CCDC154: variants seen among roughly 807,000 people sequenced by gnomAD.
The protein encoded by CCDC154 is coiled-coil domain containing 154, also known as coiled-coil domain-containing protein 154.
A neutral mutation model predicts 87.5 loss-of-function variants in CCDC154; 91 were observed. The ratio of observed to expected loss-of-function variants is 1.04; its 90% confidence interval spans 0.88 to 1.24. The LOEUF is 1.24. CCDC154 is among the 50% of genes most tolerant of loss of function. CCDC154 has a pLI of 0.00. For missense variants in CCDC154, 903 were observed against 879.2 expected, an observed-to-expected ratio of 1.03 and a Z score of -0.34; for synonymous variants, 418 against 400.4, an observed-to-expected ratio of 1.04 and a Z score of -0.52.
chr16:1,440,880 G>C (rs1003378303), intron 6 of CCDC154, among the ~76,000 whole-genome samples: 1 of 151,868 alleles, frequency 6.6e-6, no homozygotes, highest in African/African-American at 2.4e-5. Flanking sequence ...GAACGTGGGA[G>C]GCGGAGCTTG....
chr16:1,435,098 C>T lies in CCDC154; in HGVS notation c.1683G>A (p.Glu561=), dbSNP rs1417894295. ...KTIQNLRFNT[E]ARLRTQEMAT... Reference sequence around the variant, plus strand: ...GGCAAGGCCTCCTCACCAGCCGGGCCTCAGTGTTGAACCTGAGGTTCTGGA... The same window carrying T: ...GGCAAGGCCTCCTCACCAGCCGGGCTTCAGTGTTGAACCTGAGGTTCTGGA... Residue 561 remains glutamate (E), a synonymous_variant, in exon 15 of 17, where the codon GAG becomes GAA. Coordinates refer to ENST00000389176, the MANE Select transcript of CCDC154 (RefSeq NM_001143980.3). The T allele has an allele frequency of 1.9e-6, 3 of 1,549,566 alleles. No individual in the cohort carries two copies. Among genetic ancestry groups the T allele is most frequent in the African/African-American group, 1.4e-5 (1 of 73,032 alleles).
rs1164752014 is a variant in CCDC154, at chr16:1,443,930, CAGG to C, written c.87_89del (p.Leu30del). On this transcript the variant is annotated inframe_deletion, in exon 2 of 17. Transcript: ENST00000389176. ...GCTCGGGGCTGGCCAGGCCTCCTGC[CAGG>C]AGGAGCCCCAGGTCTTCCAGGGTGA... 3 of 1,303,886 alleles carry C rather than the reference CAGG, an allele frequency of 2.3e-6. No homozygotes were observed. The highest frequency in any genetic ancestry group is 2.3e-5 in the Admixed American group (1 of 43,556). 80.8% of individuals were successfully genotyped at this position (1,303,886 alleles called of 1,614,324 possible).
Position 1,443,930 on chromosome 16 carries a change from C to T in CCDC154, c.90G>A (p.Leu30=), listed in dbSNP as rs1567260193. Residue 30 remains leucine, a synonymous_variant, in exon 2 of 17, where the codon CTG becomes CTA. Coordinates refer to ENST00000389176, the MANE Select transcript of CCDC154 (RefSeq NM_001143980.3). ...GCTCGGGGCTGGCCAGGCCTCCTGC[C>T]AGGAGGAGCCCCAGGTCTTCCAGGG... is the stretch of plus-strand genomic sequence containing the variant. ...AVTLEDLGLL[L]AGGLASPEPL... 8 of 1,303,886 alleles carry T rather than the reference C, an allele frequency of 6.1e-6. No homozygotes were observed. The highest frequency in any genetic ancestry group is 3.7e-5 in the South Asian group (3 of 81,042). The allele number at this position is 1,303,886 out of a possible 1,614,324, so 80.8% of individuals were successfully genotyped here. A position where few individuals can be genotyped will look rare whatever the true frequency, so the allele number is the denominator to read the frequency against.
chr16:1,435,067 C>T lies in CCDC154; in HGVS notation c.1692+22G>A, dbSNP rs372621103. On this transcript the variant is annotated intron_variant, in intron 15 of 16. Coordinates refer to ENST00000389176, the MANE Select transcript of CCDC154 (RefSeq NM_001143980.3). ...GGAGCGGGTGGGAGCTGGGCGGTGC[C>T]GGCCGGGCAAGGCCTCCTCACCAGC... The T allele has an allele frequency of 1.4e-4, 223 of 1,546,070 alleles. 1 individual carries two copies. The African/African-American group carries it at 2.6e-3, about 18-fold the overall frequency.
chr16:1,439,452 C>G, intron 6 of CCDC154: 1 of 380,096 alleles, frequency 2.6e-6, no homozygotes, highest in Non-Finnish European at 4.8e-6. Flanking sequence ...GCAGGAGTGT[C>G]GTGCAGGTGT....
intron 11 of CCDC154, 115 bp downstream of exon 11, chr16:1,437,702 G>C (rs764187740): frequency 7.8e-7 from 1 of 1,278,928 alleles, no homozygotes; most frequent in Non-Finnish European, 1.0e-6. Flanking sequence ...TGGGTGGGAC[G>C]GGAGGCTTGG....
At chr16:1,439,218 C>A in intron 6 of CCDC154, 92 bp from the exon 7 acceptor site, 1 of 1,134,278 alleles carries the variant, frequency 8.8e-7, no homozygotes, top group Non-Finnish European at 1.3e-6. Flanking sequence ...AGTTGGAGTC[C>A]CCTGCTGTCC....
chr16:1,437,908 G>A lies in CCDC154; in HGVS notation c.1199C>T (p.Ala400Val). 6.5e-7 allele frequency: 1 copy of A among 1,546,752 alleles called. No homozygotes were observed. The highest frequency in any genetic ancestry group is 8.7e-7 in the Non-Finnish European group (1 of 1,146,514). ...RALEASVAQLAGQLKELSGHL... is the reference protein window; with the variant it reads ...RALEASVAQLVGQLKELSGHL... Reference sequence around the variant, plus strand: ...GCCACTCAGCTCCTTTAACTGCCCGGCCAGCTGCGCCACGGATGCCTCCAG... The same window carrying A: ...GCCACTCAGCTCCTTTAACTGCCCGACCAGCTGCGCCACGGATGCCTCCAG... Residue 400 changes from alanine to valine, a missense_variant, in exon 11 of 17, where the codon GCC (alanine) becomes GTC (valine). Physicochemically the swap from Ala to Val is moderately conservative, Grantham distance 64. Coordinates refer to ENST00000389176, the MANE Select transcript of CCDC154 (RefSeq NM_001143980.3).
At chr16:1,437,030 G>A in intron 11 of CCDC154, 1 of 628,402 alleles carries the variant, frequency 1.6e-6, no homozygotes, top group Non-Finnish European at 2.7e-6. Flanking sequence ...GGGCCCGTGG[G>A]GGCTGTTCCG....
At chr16:1,443,116 C>T (rs1476124089) in intron 4 of CCDC154, 141 bp from the exon 5 acceptor site, 13 of 1,366,786 alleles carry the variant, frequency 9.5e-6, no homozygotes, top group African/African-American at 2.9e-5. Flanking sequence ...CGTACAAACC[C>T]GGCCTTTTCT....
At position 1,438,002 on chromosome 16, in the gene CCDC154, C is replaced by T. The variant is rs370456989; in HGVS notation, c.1152+48G>A. On this transcript the variant is annotated intron_variant, in intron 10 of 16. Coordinates refer to ENST00000389176, the MANE Select transcript of CCDC154 (RefSeq NM_001143980.3). ...GGGAGGCCTGGCTGAGCGCCCATCC[C>T]GTGTGCGTGGGAGACCCCGTTGGGG... is the stretch of plus-strand genomic sequence containing the variant. 1.1e-4 allele frequency: 176 copies of T among 1,536,828 alleles called. No homozygotes were observed. The African/African-American group carries it at 1.9e-3, about 16-fold the overall frequency.
At chr16:1,438,758 C>T in intron 8 of CCDC154, 21 bp from the exon 9 acceptor site, 1 of 1,547,476 alleles carries the variant, frequency 6.5e-7, no homozygotes, top group African/African-American at 1.4e-5. Context: ...GTGGAGGCCG[C>T]CCTGAGACCT....
chr16:1,436,166 C>T (rs2038500041), intron 13 of CCDC154, 80 bp from the exon 14 acceptor site: 4 of 1,195,218 alleles, frequency 3.3e-6, no homozygotes, highest in Non-Finnish European at 4.8e-6. Flanking sequence ...GCCACTCCCA[C>T]AGCCACCACA....
Position 1,438,677 on chromosome 16 carries a change from A to C in CCDC154, c.967T>G (p.Phe323Val). The C allele has an allele frequency of 6.5e-7, 1 of 1,549,978 alleles. No individual in the cohort carries two copies. Among genetic ancestry groups the C allele is most frequent in the Non-Finnish European group, 8.7e-7 (1 of 1,146,748 alleles). ...AGCGACGCCTGGTTCTGCTGCACAA[A>C]CTTGGTCAGCTGGGCCACGGCAGCA... ...LDAAVAQLTK[F>V]VQQNQASLNR... Residue 323 changes from phenylalanine (F) to valine (V), a missense_variant, in exon 9 of 17, where the codon TTT becomes GTT. Transcript: ENST00000389176.
intron 1 of CCDC154, 106 bp downstream of exon 1, chr16:1,444,210 C>A: frequency 8.3e-7 from 1 of 1,198,424 alleles, no homozygotes; most frequent in Non-Finnish European, 1.1e-6. Flanking sequence ...CACTGGGCGG[C>A]AGGAACAAGC....
chr16:1,437,595 C>G (rs935273747), intron 11 of CCDC154: 1 of 536,542 alleles, frequency 1.9e-6, no homozygotes, highest in South Asian at 3.5e-5. Flanking sequence ...TCGGGCCTCA[C>G]GGGCTGCAGA....
intron 6 of CCDC154, 113 bp downstream of exon 6, chr16:1,442,293 T>C (rs1054472034): frequency 3.4e-6 from 4 of 1,191,642 alleles, no homozygotes; most frequent in African/African-American, 3.1e-5. Flanking sequence ...CTGATTTCAG[T>C]GGACACAGAT....
intron 6 of CCDC154, chr16:1,439,420 C>T (rs1052239383): frequency 1.3e-5 from 6 of 448,754 alleles, no homozygotes; most frequent in African/African-American, 4.0e-5. Flanking sequence ...GCCCCCCAGC[C>T]GCCACCAGGC....
chr16:1,442,742 G>T, intron 5 of CCDC154, 138 bp downstream of exon 5: 1 of 1,049,942 alleles, frequency 9.5e-7, no homozygotes, highest in African/African-American at 1.6e-5. Context: ...AGGCTTCCCA[G>T]CACGCTTGGC....
Sources: allele counts gnomAD v4.1 joint callset (sites outside exome capture counted in the v4.1 genomes callset), GRCh38; gene constraint gnomAD v4.1.1; transcripts MANE v1.5; gene names NCBI Gene and HGNC (gene_info 2026-07-23, HGNC 2026-07-21).